FHIT: variants seen among roughly 807,000 people sequenced by gnomAD.
The protein encoded by FHIT is bis(5'-adenosyl)-triphosphatase.
A neutral mutation model predicts 17.9 loss-of-function variants in FHIT; 19 were observed. That is an observed-to-expected ratio of 1.06 (90% CI 0.74 to 1.56). The LOEUF (loss-of-function observed/expected upper bound fraction) is 1.56, where lower values mean the gene tolerates loss of function less well. Ranked by LOEUF, FHIT falls within the 40% of genes most tolerant of loss-of-function variation. FHIT has a pLI of 0.00. For synonymous variants in FHIT, 81 were observed against 69.7 expected (o/e 1.16, Z -0.81); for missense variants, 248 against 189.2 (o/e 1.31, Z -1.82).
intron 5 of FHIT, among the ~76,000 whole-genome samples, chr3:60,169,188 G>C (rs980060535): frequency 6.6e-6 from 1 of 152,146 alleles, no homozygotes; most frequent in Non-Finnish European, 1.5e-5. Context: ...ATCCACGTTT[G>C]TTTCCTGCCC....
chr3:60,448,990 C>T (rs2107359994), intron 5 of FHIT, among the ~76,000 whole-genome samples: 1 of 152,264 alleles, frequency 6.6e-6, no homozygotes, highest in African/African-American at 2.4e-5. Context: ...GAAAATGAAG[C>T]ATCTGGTCTG....
At chr3:60,316,136 T>A (rs1022983255) in intron 5 of FHIT, among the ~76,000 whole-genome samples, 4 of 152,174 alleles carry the variant, frequency 2.6e-5, no homozygotes, top group African/African-American at 9.6e-5. Context: ...GAAATGTCAC[T>A]TTTTGCATTA....
chr3:60,856,611 T>C (rs568095667), intron 3 of FHIT: 3 of 152,272 alleles, frequency 2.0e-5, no homozygotes, highest in East Asian at 1.9e-4. Context: ...ATCTTCAAAG[T>C]GATCTTTTAA....
intron 8 of FHIT, among the ~76,000 whole-genome samples, chr3:59,862,974 C>T (rs1702473199): frequency 6.6e-6 from 1 of 152,266 alleles, no homozygotes; most frequent in South Asian, 2.1e-4. Flanking sequence ...ACTGCACAAA[C>T]ACGAAGTAGA....
intron 3 of FHIT, among the ~76,000 whole-genome samples, chr3:60,975,125 A>C (rs1710181270): frequency 6.6e-6 from 1 of 152,202 alleles, no homozygotes; most frequent in Non-Finnish European, 1.5e-5. Flanking sequence ...ACACGAATTC[A>C]AGCAGGTGCA....
At chr3:60,200,918 T>C (rs1380439676) in intron 5 of FHIT, among the ~76,000 whole-genome samples, 6 of 152,060 alleles carry the variant, frequency 3.9e-5, no homozygotes, top group Non-Finnish European at 7.4e-5. Flanking sequence ...TGTCCATTCA[T>C]CCATTCAACA....
At chr3:60,894,687 C>A (rs1218219726) in intron 3 of FHIT, among the ~76,000 whole-genome samples, 1 of 149,336 alleles carries the variant, frequency 6.7e-6, no homozygotes, top group Non-Finnish European at 1.5e-5. Context: ...CAAAAAAAAA[C>A]AAACAAAAAA....
In FHIT at chr3:60,959,870, T is replaced by A. The variant is rs370786480; in HGVS notation, c.-111+82177A>T. Among the ~76,000 whole-genome samples, 16 of 151,714 alleles carry A rather than the reference T, an allele frequency of 1.1e-4. 1 individual carries two copies. In the East Asian group the frequency reaches 2.9e-3, roughly 28 times the overall value. ...TGGTGAGCCTGAGGGCAATTTTCATTCTCATTTCTTTTTCTTATTGATTAT... is the reference window on the plus strand; with the variant it reads ...TGGTGAGCCTGAGGGCAATTTTCATACTCATTTCTTTTTCTTATTGATTAT... On this transcript the variant is annotated intron_variant, in intron 3 of 9. Coordinates refer to ENST00000492590, the MANE Select transcript of FHIT (RefSeq NM_002012.4).
chr3:60,597,531 A>T (rs1467001953), intron 4 of FHIT, among the ~76,000 whole-genome samples: 5 of 152,122 alleles, frequency 3.3e-5, no homozygotes, highest in African/African-American at 1.2e-4. Context: ...GTAAGAAAAT[A>T]ATCACCATGC....
chr3:60,942,415 T>A (rs1344087625), intron 3 of FHIT, among the ~76,000 whole-genome samples: 1 of 152,178 alleles, frequency 6.6e-6, no homozygotes, highest in African/African-American at 2.4e-5. Context: ...TGGATATATA[T>A]ACATAGGGTA....
At chr3:60,701,057 A>G (rs1194137228) in intron 4 of FHIT, among the ~76,000 whole-genome samples, 2 of 152,096 alleles carry the variant, frequency 1.3e-5, no homozygotes, top group African/African-American at 4.8e-5. Context: ...CTTACTGATG[A>G]AAAGCCAATT....
chr3:60,845,344 A>C (rs563597781), intron 3 of FHIT, among the ~76,000 whole-genome samples: 9 of 152,146 alleles, frequency 5.9e-5, no homozygotes, highest in African/African-American at 9.6e-5. Context: ...AACAAAAAAA[A>C]AAACCAAAAA....
intron 8 of FHIT, among the ~76,000 whole-genome samples, chr3:59,840,794 G>A (rs1011311183): frequency 6.6e-6 from 1 of 152,118 alleles, no homozygotes; most frequent in African/African-American, 2.4e-5. Flanking sequence ...CTGCCTCAGT[G>A]CTTGACAGCT....
At chr3:60,405,291 C>T (rs1461381572) in intron 5 of FHIT, among the ~76,000 whole-genome samples, 1 of 152,174 alleles carries the variant, frequency 6.6e-6, no homozygotes, top group African/African-American at 2.4e-5. Context: ...TCATGCCCAC[C>T]TTTGAGTGGT....
intron 5 of FHIT, among the ~76,000 whole-genome samples, chr3:60,084,545 G>A (rs1450843364): frequency 6.6e-6 from 1 of 152,112 alleles, no homozygotes; most frequent in South Asian, 2.1e-4. Context: ...GTACATGAAG[G>A]AGAGATGGCA....
intron 5 of FHIT, among the ~76,000 whole-genome samples, chr3:60,449,729 G>A (rs1305442541): frequency 6.6e-6 from 1 of 152,056 alleles, no homozygotes; most frequent in African/African-American, 2.4e-5. Context: ...AAGGTAGCTG[G>A]CGTGGTGACT....
At chr3:60,509,757 T>G (rs1363978434) in intron 5 of FHIT, among the ~76,000 whole-genome samples, 3 of 152,368 alleles carry the variant, frequency 2.0e-5, no homozygotes, top group African/African-American at 7.2e-5. Flanking sequence ...CATCCTCTGT[T>G]GACAATGATC....
chr3:60,323,007 A>T (rs1276890619), intron 5 of FHIT, among the ~76,000 whole-genome samples: 1 of 152,212 alleles, frequency 6.6e-6, no homozygotes, highest in African/African-American at 2.4e-5. Flanking sequence ...TGTAAGATTC[A>T]CTATTTAGGT....
At chr3:61,042,964 A>T (rs1292671190) in intron 2 of FHIT, among the ~76,000 whole-genome samples, 1 of 152,056 alleles carries the variant, frequency 6.6e-6, no homozygotes, top group Non-Finnish European at 1.5e-5. Flanking sequence ...AACATACAAA[A>T]TTTTTTTTAG....
Sources: allele counts gnomAD v4.1 joint callset (sites outside exome capture counted in the v4.1 genomes callset), GRCh38; gene constraint gnomAD v4.1.1; transcripts MANE v1.5; gene names NCBI Gene and HGNC (gene_info 2026-07-23, HGNC 2026-07-21).